The following ADH4 variants were observed in gnomAD, a reference collection of about 807,000 sequenced individuals.
The protein encoded by ADH4 is alcohol dehydrogenase 4 (class II), pi polypeptide, also known as all-trans-retinol dehydrogenase [NAD(+)] ADH4.
ADH4 carries 31 observed loss-of-function variants against 35.2 expected under a neutral mutation model. That is an observed-to-expected ratio of 0.88 (90% CI 0.66 to 1.19). ADH4 has a LOEUF of 1.19. Ranked by LOEUF, ADH4 falls within the 50% of genes most tolerant of loss-of-function variation. The pLI, the probability that ADH4 is intolerant of heterozygous loss-of-function variation, is 0.00. For missense variants in ADH4, 476 were observed against 458.3 expected (o/e 1.04, Z -0.35); for synonymous variants, 171 against 160.2 (o/e 1.07, Z -0.51).
chr4:99,130,480 G>A (rs983261784), intron 6 of ADH4, among the ~76,000 whole-genome samples: 23 of 152,266 alleles, frequency 1.5e-4, no homozygotes, highest in African/African-American at 5.5e-4. Flanking sequence ...GAGGTCATTG[G>A]AACCTAGAAA....
chr4:99,128,363 G>A lies in ADH4; in HGVS notation c.844-1019C>T, dbSNP rs28987099. ...AGGAAGGAAAATTGCTTGAGCCCAG[G>A]AGGTGGAGGTTGCGGTGAGCCAAAA... On this transcript the variant is annotated intron_variant, in intron 6 of 8. Coordinates refer to ENST00000265512, the MANE Select transcript of ADH4 (RefSeq NM_000670.5). Among the ~76,000 whole-genome samples the A allele has an allele frequency of 6.6e-3, 1,005 of 152,322 alleles. 10 individuals are homozygous for A. The highest frequency in any genetic ancestry group is 0.023 in the African/African-American group (966 of 41,568).
At chr4:99,137,127 T>C (rs947617550) in intron 4 of ADH4, among the ~76,000 whole-genome samples, 4 of 27,556 alleles carry the variant, frequency 1.5e-4, no homozygotes, top group Non-Finnish European at 3.4e-4. Context: ...TTTTGTATTA[T>C]TATTATTATT....
intron 6 of ADH4, among the ~76,000 whole-genome samples, chr4:99,128,806 A>T (rs1365420480): frequency 3.5e-5 from 1 of 28,682 alleles, no homozygotes; most frequent in African/African-American, 1.1e-4. Context: ...ATATAATTGT[A>T]TTATCTTTTT....
intron 8 of ADH4, among the ~76,000 whole-genome samples, chr4:99,125,888 G>A (rs1293131369): frequency 6.6e-6 from 1 of 151,774 alleles, no homozygotes; most frequent in East Asian, 1.9e-4. Flanking sequence ...ATTTCTTCTT[G>A]GTCCTGCGTC....
chr4:99,143,660 T>A (rs942429806), intron 1 of ADH4, among the ~76,000 whole-genome samples: 1 of 152,090 alleles, frequency 6.6e-6, no homozygotes, highest in Non-Finnish European at 1.5e-5. Context: ...TTGAATTATG[T>A]TTTTGAATAT....
At chr4:99,135,230 A>T (rs1729398620) in intron 5 of ADH4, among the ~76,000 whole-genome samples, 1 of 152,030 alleles carries the variant, frequency 6.6e-6, no homozygotes, top group Admixed American at 6.5e-5. Context: ...GGAGTTCAAG[A>T]CCAGCCTGGG....
Position 99,126,575 on chromosome 4 carries a change from T to C in ADH4, c.1118+19A>G. On this transcript the variant is annotated intron_variant, in intron 8 of 8. Transcript: ENST00000265512. ...TGTAAACGTTTTTTAAATCATTCAG[T>C]CATCTATTAGTAATGTACCTTTTTC... 6.4e-7 allele frequency: 1 copy of C among 1,567,138 alleles called. No homozygotes were observed. The highest frequency in any genetic ancestry group is 1.2e-5 in the South Asian group (1 of 85,840).
At chr4:99,139,021 A>C (rs1018615650) in intron 4 of ADH4, 40 bp downstream of exon 4, 6 of 1,482,196 alleles carry the variant, frequency 4.0e-6, no homozygotes, top group Non-Finnish European at 4.6e-6. Flanking sequence ...CAAAATATTC[A>C]TTCAAATTTA....
Position 99,126,591 on chromosome 4 carries a change from T to C in ADH4, c.1118+3A>G, listed in dbSNP as rs768031238. On this transcript the variant is annotated splice_donor_region_variant and intron_variant, in intron 8 of 8. Coordinates refer to ENST00000265512, the MANE Select transcript of ADH4 (RefSeq NM_000670.5). ...ATCATTCAGTCATCTATTAGTAATG[T>C]ACCTTTTTCCTTGGTTCATTAGGTC... 1.9e-5 allele frequency: 31 copies of C among 1,600,932 alleles called. 1 individual carries two copies. In the South Asian group the frequency reaches 3.3e-4, roughly 17 times the overall value.
At position 99,141,618 on chromosome 4, in the gene ADH4, G is replaced by A. The variant is rs1729626348; in HGVS notation, c.185C>T (p.Ala62Val). ...CTCATGGCCAACGATCACTGGGAAA[G>A]CTAGGCCCTCAAATTTAGAATCGAT... Reference protein sequence around the residue: ...TVIDSKFEGLAFPVIVGHEAA... With the variant: ...TVIDSKFEGLVFPVIVGHEAA... Residue 62 changes from alanine (A) to valine (V), a missense_variant, in exon 3 of 9, where the codon GCT becomes GTT. Physicochemically the swap from Ala to Val is moderately conservative, Grantham distance 64. Coordinates refer to ENST00000265512, the MANE Select transcript of ADH4 (RefSeq NM_000670.5). 2.5e-6 allele frequency: 4 copies of A among 1,614,024 alleles called. No homozygotes were observed. In the South Asian group the frequency reaches 4.4e-5, roughly 18 times the overall value.
intron 4 of ADH4, among the ~76,000 whole-genome samples, chr4:99,138,152 G>A (rs1309484430): frequency 6.6e-6 from 1 of 151,964 alleles, no homozygotes; most frequent in African/African-American, 2.4e-5. Flanking sequence ...TATTTCATTT[G>A]GAATATCTGA....
intron 6 of ADH4, among the ~76,000 whole-genome samples, chr4:99,129,956 C>T (rs1317978625): frequency 6.6e-6 from 1 of 152,160 alleles, no homozygotes; most frequent in Admixed American, 6.6e-5. Context: ...TTGAAATGGG[C>T]TTCCCATAAG....
chr4:99,124,469 G>T lies in ADH4; in HGVS notation c.1119-3C>A. 1 of 1,456,390 alleles carries T rather than the reference G, an allele frequency of 6.9e-7. No individual in the cohort carries two copies. The highest frequency in any genetic ancestry group is 2.4e-5 in the East Asian group (1 of 41,940). 90.2% of individuals were successfully genotyped at this position (1,456,390 alleles called of 1,614,324 possible). A position where few individuals can be genotyped will look rare whatever the true frequency, so the allele number is the denominator to read the frequency against. The stretch of plus-strand genomic sequence containing the variant: ...AAAAGATGAGGATTGTTCGGACGCT[G>T]TTAATAACAATAAAACATTAATAAG... On this transcript the variant is annotated splice_region_variant and splice_polypyrimidine_tract_variant and intron_variant, in intron 8 of 8. Coordinates refer to ENST00000265512, the MANE Select transcript of ADH4 (RefSeq NM_000670.5).
At chr4:99,133,424 G>C (rs958580214) in intron 5 of ADH4, 1 of 152,174 alleles carries the variant, frequency 6.6e-6, no homozygotes, top group Non-Finnish European at 1.5e-5. Context: ...TGGTGATGTT[G>C]GTGTGTTCTC....
intron 8 of ADH4, among the ~76,000 whole-genome samples, chr4:99,126,000 A>G (rs1487571815): frequency 1.6e-5 from 1 of 64,220 alleles, no homozygotes; most frequent in African/African-American, 7.8e-5. Context: ...AGTCTTACTA[A>G]TCCCCCAACC....
chr4:99,135,324 A>T (rs1729401955), intron 5 of ADH4, among the ~76,000 whole-genome samples: 1 of 152,008 alleles, frequency 6.6e-6, no homozygotes. Flanking sequence ...AGCTACTTGG[A>T]GGGCTGAAGT....
intron 6 of ADH4, among the ~76,000 whole-genome samples, chr4:99,128,689 T>C (rs990342426): frequency 6.6e-6 from 1 of 152,142 alleles, no homozygotes; most frequent in African/African-American, 2.4e-5. Context: ...TGTGAAATGA[T>C]TTCATCTATA....
At chr4:99,141,137 C>A (rs931248834) in intron 3 of ADH4, among the ~76,000 whole-genome samples, 2 of 152,114 alleles carry the variant, frequency 1.3e-5, no homozygotes, top group Admixed American at 1.3e-4. Context: ...TAAGAACATT[C>A]AGTATTTGGT....
chr4:99,124,561 G>A, intron 8 of ADH4, 95 bp from the exon 9 acceptor site: 1 of 751,828 alleles, frequency 1.3e-6, no homozygotes, highest in Non-Finnish European at 2.2e-6. Context: ...TCAGGATCTG[G>A]TCTTCCTTTA....
Sources: gnomAD v4.1 joint callset for allele counts (sites outside exome capture counted in the v4.1 genomes callset) on GRCh38, gnomAD v4.1.1 for gene constraint, MANE v1.5 for transcripts, NCBI Gene and HGNC (gene_info 2026-07-23, HGNC 2026-07-21) for gene names.